AXL: variants seen among roughly 807,000 people sequenced by gnomAD.
The protein encoded by AXL is AXL receptor tyrosine kinase.
In AXL, 52 loss-of-function variants were observed where a neutral mutation model predicts 104.5. The ratio of observed to expected loss-of-function variants is 0.50; its 90% CI spans 0.40 to 0.63. The LOEUF (loss-of-function observed/expected upper bound fraction) is 0.63. AXL is among the 20% of genes least tolerant of loss of function. AXL has a pLI of 0.00. For missense variants in AXL, 1,024 were observed against 1,188.5 expected (o/e 0.86, Z 2.04); for synonymous variants, 455 against 473.7 (o/e 0.96, Z 0.51).
intron 4 of AXL, among the ~76,000 whole-genome samples, chr19:41,226,307 G>A (rs1200738204): frequency 6.6e-6 from 1 of 152,116 alleles, no homozygotes; most frequent in East Asian, 1.9e-4. Flanking sequence ...TGACCCTGGC[G>A]GGGCCCCACG....
chr19:41,252,263 T>C (rs1199024196), intron 14 of AXL, 88 bp from the exon 15 acceptor site: 5 of 1,056,674 alleles, frequency 4.7e-6, no homozygotes, highest in Non-Finnish European at 7.3e-6. Flanking sequence ...TGAGTGATGA[T>C]GATGATGATG....
intron 7 of AXL, 32 bp from the exon 8 acceptor site, chr19:41,238,438 G>A (rs2034121658): frequency 1.3e-6 from 2 of 1,595,868 alleles, no homozygotes; most frequent in Non-Finnish European, 1.7e-6. Flanking sequence ...AAGAGGTGGG[G>A]GTGCCAGCTT....
intron 1 of AXL, 127 bp downstream of exon 1, chr19:41,219,604 A>G: frequency 1.9e-6 from 2 of 1,079,994 alleles, no homozygotes; most frequent in East Asian, 5.2e-5. Flanking sequence ...GGACCACAGA[A>G]AAGGGACTTC....
rs565411984 is a variant in AXL, at chr19:41,235,351, CAAAT to C, written c.784-2575_784-2572del. Among the ~76,000 whole-genome samples, 303 of 112,354 alleles carry C rather than the reference CAAAT, an allele frequency of 2.7e-3. 2 individuals carry two copies. The highest frequency in any genetic ancestry group is 7.9e-3 in the African/African-American group (209 of 26,510). The allele number at this position is 112,354 out of a possible 152,430, so 73.7% of individuals were successfully genotyped here. On this transcript the variant is annotated intron_variant, in intron 6 of 19. Transcript: ENST00000301178. ...GGGCAACAAGAGCGAAACTCCATCTCAAATAAATAAATAAATAAATAGATAGATA... is the reference window on the plus strand; with the variant it reads ...GGGCAACAAGAGCGAAACTCCATCTCAAATAAATAAATAAATAGATAGATA...
At chr19:41,242,416 C>T (rs2034199530) in intron 10 of AXL, among the ~76,000 whole-genome samples, 1 of 149,714 alleles carries the variant, frequency 6.7e-6, no homozygotes, top group African/African-American at 2.5e-5. Context: ...CTCCACCTCC[C>T]AGGTTCAAGC....
At chr19:41,229,462 A>C (rs1369058260) in intron 4 of AXL, among the ~76,000 whole-genome samples, 1 of 151,194 alleles carries the variant, frequency 6.6e-6, no homozygotes, top group Admixed American at 6.6e-5. Flanking sequence ...ATGGGGTCTC[A>C]CCACGTTGCC....
chr19:41,238,390 C>A (rs2034119830), intron 7 of AXL, 80 bp from the exon 8 acceptor site: 1 of 1,567,882 alleles, frequency 6.4e-7, no homozygotes, highest in African/African-American at 1.3e-5. Context: ...CCCTTGGCAC[C>A]CTGCACCCAC....
intron 4 of AXL, among the ~76,000 whole-genome samples, chr19:41,226,170 TGGGG>T (rs2033876662): frequency 6.6e-6 from 1 of 151,876 alleles, no homozygotes; most frequent in Admixed American, 6.6e-5. Context: ...CCGGAAGCGC[TGGGG>T]TGGGGAGGTG....
intron 19 of AXL, among the ~76,000 whole-genome samples, chr19:41,259,285 G>A (rs1268963996): frequency 1.3e-5 from 2 of 152,090 alleles, no homozygotes; most frequent in East Asian, 3.9e-4. Flanking sequence ...GAGCTGGAAG[G>A]TCTGTTCTAG....
intron 12 of AXL, chr19:41,243,937 G>T: frequency 2.1e-6 from 1 of 480,192 alleles, no homozygotes. Flanking sequence ...TGGGTGTGGT[G>T]GCTCATGCCT....
At chr19:41,254,777 G>T (rs1369766063) in intron 17 of AXL, among the ~76,000 whole-genome samples, 1 of 152,072 alleles carries the variant, frequency 6.6e-6, no homozygotes, top group Admixed American at 6.6e-5. Flanking sequence ...AGCTGGGCAT[G>T]GTGGTGTATA....
At chr19:41,231,627 A>C (rs996889213) in intron 6 of AXL, among the ~76,000 whole-genome samples, 2 of 152,158 alleles carry the variant, frequency 1.3e-5, no homozygotes. Flanking sequence ...GAACATAGGA[A>C]ACAAATTTAA....
intron 12 of AXL, among the ~76,000 whole-genome samples, chr19:41,247,233 G>A (rs1048621426): frequency 3.9e-5 from 6 of 152,190 alleles, no homozygotes; most frequent in African/African-American, 1.4e-4. Context: ...CACTGAGTTG[G>A]CCAGGCGTGG....
At chr19:41,226,398 CGGCGCGGGGGCTGCG>C (rs1167346548) in intron 4 of AXL, among the ~76,000 whole-genome samples, 3 of 152,154 alleles carry the variant, frequency 2.0e-5, no homozygotes, top group Non-Finnish European at 4.4e-5. Context: ...CTCCTCCGGG[CGGCGCGGGGGCTGCG>C]GGCGCGGGGC....
intron 10 of AXL, among the ~76,000 whole-genome samples, chr19:41,240,660 C>G (rs1478870304): frequency 6.6e-6 from 1 of 152,150 alleles, no homozygotes; most frequent in African/African-American, 2.4e-5. Context: ...TTCACATACG[C>G]TTTCCACGCT....
intron 4 of AXL, among the ~76,000 whole-genome samples, chr19:41,229,445 T>G (rs1323526421): frequency 2.0e-5 from 3 of 151,004 alleles, no homozygotes; most frequent in Non-Finnish European, 4.4e-5. Flanking sequence ...TTCTCTTTTT[T>G]GTAGAGATGG....
At chr19:41,222,479 T>C (rs1215675248) in intron 4 of AXL, among the ~76,000 whole-genome samples, 1 of 152,090 alleles carries the variant, frequency 6.6e-6, no homozygotes, top group East Asian at 1.9e-4. Flanking sequence ...AACCGTGCCC[T>C]CCTCTCCTCC....
chr19:41,239,121 G>A (rs769983151), intron 8 of AXL, 43 bp from the exon 9 acceptor site: 31 of 1,607,468 alleles, frequency 1.9e-5, no homozygotes, highest in Non-Finnish European at 2.6e-5. Flanking sequence ...CTTAACAGCT[G>A]GGGGGTAAGG....
At chr19:41,243,323 G>A (rs1052416818) in intron 11 of AXL, among the ~76,000 whole-genome samples, 2 of 152,210 alleles carry the variant, frequency 1.3e-5, no homozygotes, top group African/African-American at 4.8e-5. Flanking sequence ...GGGAGGCTGA[G>A]GCACGATAAT....
Sources: allele counts gnomAD v4.1 joint callset (sites outside exome capture counted in the v4.1 genomes callset), GRCh38; gene constraint gnomAD v4.1.1; transcripts MANE v1.5; gene names NCBI Gene and HGNC (gene_info 2026-07-23, HGNC 2026-07-21).